CFHR4: variants seen among roughly 807,000 people sequenced by gnomAD.
The protein encoded by CFHR4 is complement factor H-related protein 4.
Under a neutral mutation model 69.3 loss-of-function variants are expected in CFHR4, and 64 were observed. That is an observed-to-expected ratio of 0.92 (90% CI 0.76 to 1.14). The LOEUF is 1.14. Among genes scored for constraint, CFHR4 ranks in the 50% most tolerant of loss-of-function variants. The pLI is 0.00. For synonymous variants in CFHR4, 244 were observed against 237.0 expected (o/e 1.03, Z -0.27); for missense variants, 636 against 684.9 (o/e 0.93, Z 0.80).
At chr1:196,917,111 T>C (rs545178497) in intron 9 of CFHR4, among the ~76,000 whole-genome samples, 1 of 148,416 alleles carries the variant, frequency 6.7e-6, no homozygotes, top group Non-Finnish European at 1.5e-5. Context: ...TGATATGTAC[T>C]ATGTTAAGAA....
chr1:196,910,235 G>T (rs1279996772), intron 5 of CFHR4, 46 bp from the exon 6 acceptor site: 1 of 1,116,752 alleles, frequency 9.0e-7, no homozygotes, highest in Non-Finnish European at 1.3e-6. Context: ...ATCATTGTCT[G>T]TTACAGTGAA....
intron 1 of CFHR4, among the ~76,000 whole-genome samples, chr1:196,894,274 ATAATT>A (rs1419937737): frequency 6.6e-6 from 1 of 151,618 alleles, no homozygotes. Context: ...TTTTAGGTTA[ATAATT>A]GTTTTTCTAA....
At position 196,908,935 on chromosome 1, in the gene CFHR4, G is replaced by C. The variant is rs145806448; in HGVS notation, c.800-1346G>C. ...ATGCTGATATTTTGGCTGATCCTAT[G>C]ATGGGCTAAACCTTAATTATTGTCC... On this transcript the variant is annotated intron_variant, in intron 5 of 9. Transcript: ENST00000608469. Among the ~76,000 whole-genome samples the C allele has an allele frequency of 1.5e-4, 23 of 151,532 alleles. 1 individual carries two copies. In the East Asian group the frequency reaches 4.5e-3, roughly 29 times the overall value.
rs199547603 is a variant in CFHR4, at chr1:196,902,480, A to T, written c.121A>T (p.Arg41Ter). 1.4e-4 allele frequency: 226 copies of T among 1,612,054 alleles called. 7 individuals carry two copies. The African/African-American group carries it at 2.6e-3, about 19-fold the overall frequency. ...AGGTCTATATTATAAGAGTTTGCGTAGACTATACTTTCCAGCAGCTGCAGG... is the reference window on the plus strand; with the variant it reads ...AGGTCTATATTATAAGAGTTTGCGTTGACTATACTTTCCAGCAGCTGCAGG... ...HGGLYYKSLR[R>*]LYFPAAAGQS... The change falls in exon 2 of 10, where the codon AGA (arginine) becomes TGA (stop). Residue 41 changes from arginine (R) to a stop codon, truncating the protein, a stop_gained. Coordinates refer to ENST00000608469, the MANE Select transcript of CFHR4 (RefSeq NM_001201550.3). LOFTEE classifies it high-confidence loss of function.
chr1:196,889,250 T>C (rs999718697), intron 1 of CFHR4, among the ~76,000 whole-genome samples: 4 of 151,470 alleles, frequency 2.6e-5, no homozygotes, highest in Non-Finnish European at 5.9e-5. Flanking sequence ...TATCACATGA[T>C]TCGCTAGTTT....
At position 196,906,879 on chromosome 1, in the gene CFHR4, T is replaced by C. The variant is rs1327814422; in HGVS notation, c.458T>C (p.Val153Ala). Residue 153 changes from valine to alanine, a missense_variant, in exon 4 of 10, where the codon GTT becomes GCT. By Grantham distance (64) the Val-to-Ala change is moderately conservative (BLOSUM62 0). Transcript: ENST00000608469. ...GTTTCAGAATTTTGTGATATGCCTGTTTTTGAGAATTCCAGAGCCAAGAGT... is the reference window on the plus strand; with the variant it reads ...GTTTCAGAATTTTGTGATATGCCTGCTTTTGAGAATTCCAGAGCCAAGAGT... ...PICIKFCDMP[V>A]FENSRAKSNG... The C allele has an allele frequency of 6.2e-7, 1 of 1,602,778 alleles. No individual in the cohort carries two copies. Among genetic ancestry groups the C allele is most frequent in the Non-Finnish European group, 8.5e-7 (1 of 1,176,226 alleles).
chr1:196,911,012 T>A (rs904059749), intron 6 of CFHR4, among the ~76,000 whole-genome samples: 1 of 151,364 alleles, frequency 6.6e-6, no homozygotes, highest in East Asian at 1.9e-4. Flanking sequence ...CTGGCTACAG[T>A]CTTTCAAATG....
chr1:196,892,578 G>C (rs1657095882), intron 1 of CFHR4, among the ~76,000 whole-genome samples: 1 of 151,102 alleles, frequency 6.6e-6, no homozygotes, highest in Non-Finnish European at 1.5e-5. Flanking sequence ...ATAGGGCATG[G>C]GTTATTTTTG....
intron 5 of CFHR4, among the ~76,000 whole-genome samples, chr1:196,908,162 A>G (rs1014249432): frequency 1.1e-4 from 17 of 151,374 alleles, no homozygotes; most frequent in Admixed American, 4.0e-4. Context: ...CTGTCACAGG[A>G]TGGGGAGCTA....
chr1:196,909,045 C>T (rs1012697201), intron 5 of CFHR4, among the ~76,000 whole-genome samples: 2 of 151,340 alleles, frequency 1.3e-5, no homozygotes, highest in African/African-American at 2.4e-5. Context: ...GAGGAAAATT[C>T]GTATCCTCAA....
chr1:196,899,952 G>A (rs1288239856), intron 1 of CFHR4, among the ~76,000 whole-genome samples: 1 of 151,546 alleles, frequency 6.6e-6, no homozygotes, highest in Non-Finnish European at 1.5e-5. Context: ...TAGGAGAAAT[G>A]CAGTATAAAT....
At position 196,918,279 on chromosome 1, in the gene CFHR4, A is replaced by T. The variant is rs201313429; in HGVS notation, c.1610A>T (p.Lys537Ile). 1 of 1,608,842 alleles carries T rather than the reference A, an allele frequency of 6.2e-7. No individual in the cohort carries two copies. Among genetic ancestry groups the T allele is most frequent in the Admixed American group, 1.7e-5 (1 of 59,886 alleles). ...CAGTTAAAAGGAAAAAGTGACATAA[A>T]ATATTATGCAAAAACAGGGGATACC... is the stretch of plus-strand genomic sequence containing the variant. ...NIQLKGKSDI[K>I]YYAKTGDTIE... Residue 537 changes from lysine (K) to isoleucine (I), a missense_variant, in exon 10 of 10, where the codon AAA (lysine) becomes ATA (isoleucine). Lys to Ile is a moderately radical substitution (Grantham distance 102). This residue lies in a region of CFHR4 where 85 missense variants were observed against 79.0 expected (regional missense o/e 1.08). Coordinates refer to ENST00000608469, the MANE Select transcript of CFHR4 (RefSeq NM_001201550.3).
Position 196,909,217 on chromosome 1 carries a change from A to G in CFHR4, c.800-1064A>G, listed in dbSNP as rs576281780. Among the ~76,000 whole-genome samples, 257 of 151,662 alleles carry G rather than the reference A, an allele frequency of 1.7e-3. 8 individuals are homozygous for G. The highest frequency in any genetic ancestry group is 5.9e-3 in the African/African-American group (242 of 41,198). ...TCATTACCTCTTCTCATAATCAAGA[A>G]CAGGAAAGGATTATAATTATCTGAG... On this transcript the variant is annotated intron_variant, in intron 5 of 9. Transcript: ENST00000608469.
At chr1:196,900,975 G>A (rs1384955282) in intron 1 of CFHR4, among the ~76,000 whole-genome samples, 6 of 151,204 alleles carry the variant, frequency 4.0e-5, no homozygotes, top group Non-Finnish European at 7.4e-5. Flanking sequence ...AGTTATAATC[G>A]GCATAACTAA....
Position 196,902,317 on chromosome 1 carries a change from T to C in CFHR4, c.59-101T>C, listed in dbSNP as rs140935311. ...TCTTGCCCTAAAACCCCTAATTCAT[T>C]ACACTAAGAAGAGAATATAATTTAT... On this transcript the variant is annotated intron_variant, in intron 1 of 9. Coordinates refer to ENST00000608469, the MANE Select transcript of CFHR4 (RefSeq NM_001201550.3). The C allele has an allele frequency of 1.2e-4, 100 of 847,216 alleles. 4 individuals carry two copies. In the African/African-American group the frequency reaches 1.5e-3, roughly 13 times the overall value. 52.5% of individuals were successfully genotyped at this position (847,216 alleles called of 1,614,324 possible).
chr1:196,890,639 G>A (rs1209289395), intron 1 of CFHR4, among the ~76,000 whole-genome samples: 1 of 151,412 alleles, frequency 6.6e-6, no homozygotes, highest in Non-Finnish European at 1.5e-5. Context: ...TAGTATTTTA[G>A]AGCAGGATTG....
intron 1 of CFHR4, among the ~76,000 whole-genome samples, chr1:196,894,889 A>C (rs12404882): frequency 3.4e-5 from 5 of 148,954 alleles, no homozygotes; most frequent in East Asian, 2.0e-4. Context: ...CTGTCTCTAA[A>C]AACAACAACA....
At chr1:196,903,624 G>C (rs1231041451) in intron 2 of CFHR4, among the ~76,000 whole-genome samples, 1 of 150,740 alleles carries the variant, frequency 6.6e-6, no homozygotes, top group Admixed American at 6.6e-5. Flanking sequence ...CTGCACTCCA[G>C]ACTCGGTGAT....
At position 196,918,460 on chromosome 1, in the gene CFHR4, T is replaced by A. The variant is rs1658788367; in HGVS notation, c.*54T>A. On this transcript the variant is annotated 3_prime_UTR_variant, in exon 10 of 10. Transcript: ENST00000608469. ...CAACTTCCACTTCTCACTCTTATGG[T>A]CTCAAAGCTTGCAAAGATAGCTTCT... is the stretch of plus-strand genomic sequence containing the variant. 6.6e-6 allele frequency: 10 copies of A among 1,504,404 alleles called. No individual in the cohort carries two copies. The highest frequency in any genetic ancestry group is 9.2e-6 in the Non-Finnish European group (10 of 1,083,820). 93.2% of individuals were successfully genotyped at this position (1,504,404 alleles called of 1,614,324 possible).
Sources: gnomAD v4.1 joint callset for allele counts (sites outside exome capture counted in the v4.1 genomes callset) on GRCh38, gnomAD v4.1.1 for gene constraint, gnomAD v4.1.1 regional missense constraint, MANE v1.5 for transcripts, NCBI Gene and HGNC (gene_info 2026-07-23, HGNC 2026-07-21) for gene names.